The following TUBA8 variants were observed in gnomAD, a reference collection of about 807,000 sequenced individuals.
TUBA8 encodes tubulin alpha 8.
A neutral mutation model predicts 34.7 loss-of-function variants in TUBA8; 29 were observed. The ratio of observed to expected loss-of-function variants is 0.84; its 90% CI spans 0.62 to 1.14. The LOEUF (loss-of-function observed/expected upper bound fraction) is 1.14, where lower values mean the gene tolerates loss of function less well. Ranked by LOEUF, TUBA8 falls within the 50% of genes most tolerant of loss-of-function variation. TUBA8 has a pLI of 0.00. For synonymous variants in TUBA8, 226 were observed against 231.2 expected, an observed-to-expected ratio of 0.98 and a Z score of 0.21; for missense variants, 541 against 599.2, an observed-to-expected ratio of 0.90 and a Z score of 1.01.
At position 18,121,454 on chromosome 22, in the gene TUBA8, CCTCGTTGCTTCCCT is replaced by C. The variant is rs878853254; in HGVS notation, c.4-21_4-8del. 4 of 1,606,996 alleles carry C rather than the reference CCTCGTTGCTTCCCT, an allele frequency of 2.5e-6. No individual in the cohort carries two copies. In the South Asian group the frequency reaches 3.3e-5, roughly 13 times the overall value. The stretch of plus-strand genomic sequence containing the variant: ...CATGCTGGGGGCCCAGACTCTCTGA[CCTCGTTGCTTCCCT>C]CTCCCCACAGCGGGAATGCATATCA... On this transcript the variant is annotated splice_polypyrimidine_tract_variant and intron_variant, in intron 1 of 4. Transcript: ENST00000330423. This position sits in a 1 kb window ranked among gnomAD's most constrained non-coding sequence, Gnocchi z 4.8.
At position 18,126,868 on chromosome 22, in the gene TUBA8, A is replaced by G. The variant is rs1322829496; in HGVS notation, c.890A>G (p.Glu297Gly). 6.2e-7 allele frequency: 1 copy of G among 1,611,816 alleles called. No homozygotes were observed. The highest frequency in any genetic ancestry group is 8.5e-7 in the Non-Finnish European group (1 of 1,178,768). The change falls in exon 4 of 5, where the codon GAG becomes GGG. Residue 297 changes from glutamate to glycine, a missense_variant. Coordinates refer to ENST00000330423, the MANE Select transcript of TUBA8 (RefSeq NM_018943.3). The surrounding 1 kb of genome is among the most constrained non-coding windows in gnomAD (Gnocchi z 4.0). Reference protein sequence around the residue: ...SVAEITSSCFEPNSQMVKCDP... With the variant: ...SVAEITSSCFGPNSQMVKCDP... Reference sequence around the variant, plus strand: ...GCCGAGATAACCAGCTCCTGCTTTGAGCCCAACAGCCAGATGGTGAAGTGC... The same window carrying G: ...GCCGAGATAACCAGCTCCTGCTTTGGGCCCAACAGCCAGATGGTGAAGTGC...
At position 18,124,383 on chromosome 22, in the gene TUBA8, G is replaced by A; in HGVS notation, c.375+79G>A. 6.7e-7 allele frequency: 1 copy of A among 1,500,106 alleles called. No individual in the cohort carries two copies. The highest frequency in any genetic ancestry group is 1.3e-5 in the South Asian group (1 of 77,350). 92.9% of individuals were successfully genotyped at this position (1,500,106 alleles called of 1,614,324 possible). A position where few individuals can be genotyped will look rare whatever the true frequency, so the allele number is the denominator to read the frequency against. On this transcript the variant is annotated intron_variant, in intron 3 of 4. Transcript: ENST00000330423. This position sits in a 1 kb window ranked among gnomAD's most constrained non-coding sequence, Gnocchi z 4.3. The stretch of plus-strand genomic sequence containing the variant: ...GCCCCATGCCTCTTTGATCAGGCTA[G>A]GGAGAGGCATCTGACCCCTGGCTAT...
At position 18,131,583 on chromosome 22, in the gene TUBA8, C is replaced by CGAG; in HGVS notation, c.*447_*448insGAG. The stretch of plus-strand genomic sequence containing the variant: ...TGGGTCTATAGCCCGCTCCGGGCAT[C>CGAG]ATCTAGACTTAGCATGCATTCACTC... On this transcript the variant is annotated 3_prime_UTR_variant, in exon 5 of 5. Coordinates refer to ENST00000330423, the MANE Select transcript of TUBA8 (RefSeq NM_018943.3). The surrounding 1 kb of genome is among the most constrained non-coding windows in gnomAD (Gnocchi z 5.3). 7 of 239,116 alleles carry CGAG rather than the reference C, an allele frequency of 2.9e-5. No individual in the cohort carries two copies. The highest frequency in any genetic ancestry group is 1.8e-4 in the South Asian group (3 of 16,564). 14.8% of individuals were successfully genotyped at this position (239,116 alleles called of 1,614,324 possible).
intron 1 of TUBA8, chr22:18,115,163 C>T (rs535847544): frequency 6.6e-6 from 1 of 152,424 alleles, no homozygotes; most frequent in Non-Finnish European, 1.5e-5. Flanking sequence ...CCCTGCCCTT[C>T]CTCAGCCTGC....
chr22:18,120,856 G>T (rs1266150545), intron 1 of TUBA8: 1 of 154,568 alleles, frequency 6.5e-6, no homozygotes, highest in Non-Finnish European at 1.4e-5. Flanking sequence ...GGGCTGCAAA[G>T]ATTTTCCAAT....
intron 4 of TUBA8, chr22:18,129,450 C>T (rs1369352855): frequency 6.6e-6 from 1 of 152,266 alleles, no homozygotes; most frequent in Admixed American, 6.5e-5. Flanking sequence ...CTTGTCCCCA[C>T]TTGACTCAGG....
rs1248035790 is a variant in TUBA8 at position 18,124,210 on chromosome 22, C to T, written c.281C>T (p.Thr94Ile). Residue 94 changes from threonine to isoleucine, a missense_variant, in exon 3 of 5, where the codon ACA becomes ATA. By Grantham distance (89) the Thr-to-Ile change is moderately conservative (BLOSUM62 -1). Transcript: ENST00000330423. The surrounding 1 kb of genome is among the most constrained non-coding windows in gnomAD (Gnocchi z 4.3). ...RQLFHPEQLITGKEDAANNYA... is the reference protein window; with the variant it reads ...RQLFHPEQLIIGKEDAANNYA... ...CTCTTCCATCCAGAGCAGCTGATCA[C>T]AGGAAAGGAGGATGCAGCCAACAAC... is the stretch of plus-strand genomic sequence containing the variant. 6.2e-7 allele frequency: 1 copy of T among 1,614,196 alleles called. No individual in the cohort carries two copies. The highest frequency in any genetic ancestry group is 2.2e-5 in the East Asian group (1 of 44,886).
intron 4 of TUBA8, chr22:18,127,532 T>A (rs1272332306): frequency 6.4e-6 from 1 of 156,214 alleles, no homozygotes; most frequent in African/African-American, 2.4e-5. Flanking sequence ...TAGCTGGGAC[T>A]ACAGGCGCCC....
chr22:18,130,598 T>A, intron 4 of TUBA8: 2 of 567,770 alleles, frequency 3.5e-6, no homozygotes, highest in Non-Finnish European at 6.3e-6. Flanking sequence ...TAATTTTTTT[T>A]TTTTTTTTGG....
intron 3 of TUBA8, chr22:18,125,268 C>A (rs1289623215): frequency 6.6e-6 from 1 of 152,076 alleles, no homozygotes; most frequent in Non-Finnish European, 1.5e-5. Flanking sequence ...GTAATCCCAG[C>A]ACTTTGGGAG....
chr22:18,122,179 G>C lies in TUBA8; in HGVS notation c.226+478G>C, dbSNP rs149712925. 7.4e-4 allele frequency: 122 copies of C among 163,970 alleles called. 1 individual carries two copies. In the East Asian group the frequency reaches 0.019, roughly 25 times the overall value. The allele number at this position is 163,970 out of a possible 1,614,324, so 10.2% of individuals were successfully genotyped here. On this transcript the variant is annotated intron_variant, in intron 2 of 4. Transcript: ENST00000330423. ...CTGGAATGAGGTTCATTCAGGTTTA[G>C]GAAACACAGGAATTCTGCCTTGTGT... is the stretch of plus-strand genomic sequence containing the variant.
chr22:18,115,114 C>T (rs1176139559), intron 1 of TUBA8: 1 of 152,398 alleles, frequency 6.6e-6, no homozygotes, highest in Middle Eastern at 3.4e-3. Flanking sequence ...AGTGGCTCCC[C>T]AGGCGGAGTG....
rs904965122 is a variant in TUBA8, at chr22:18,131,546, C to T, written c.*410C>T. ...AGATTCCGGGGCAGGGGTGAGCGGA[C>T]GTTCACATGAGTGGGTCTATAGCCC... On this transcript the variant is annotated 3_prime_UTR_variant, in exon 5 of 5. Transcript: ENST00000330423. The surrounding 1 kb of genome is among the most constrained non-coding windows in gnomAD (Gnocchi z 5.3). 2.1e-5 allele frequency: 6 copies of T among 284,582 alleles called. No homozygotes were observed. The highest frequency in any genetic ancestry group is 6.6e-5 in the African/African-American group (3 of 45,682). 17.6% of individuals were successfully genotyped at this position (284,582 alleles called of 1,614,324 possible).
chr22:18,114,749 TG>T (rs1035678801), intron 1 of TUBA8: 44 of 152,104 alleles, frequency 2.9e-4, no homozygotes, highest in Non-Finnish European at 2.9e-5. Context: ...GGAGTGTGGG[TG>T]GTGCCAGGCT....
chr22:18,116,721 C>A (rs1006160819), intron 1 of TUBA8: 2 of 152,266 alleles, frequency 1.3e-5, no homozygotes, highest in African/African-American at 4.8e-5. Context: ...GGCTTCAGCA[C>A]TGGGTCTGCT....
Position 18,110,930 on chromosome 22 carries a change from GTC to G in TUBA8, c.3+64_3+65del, listed in dbSNP as rs1049534516. On this transcript the variant is annotated intron_variant, in intron 1 of 4. Coordinates refer to ENST00000330423, the MANE Select transcript of TUBA8 (RefSeq NM_018943.3). This position sits in a 1 kb window ranked among gnomAD's most constrained non-coding sequence, Gnocchi z 6.2. ...CGGCAGGCGTAGGACCGAGAGCCGAGTCTACGCGGAGGCGCACGGACCCGTCT... is the reference window on the plus strand; with the variant it reads ...CGGCAGGCGTAGGACCGAGAGCCGAGTACGCGGAGGCGCACGGACCCGTCT... 2.5e-5 allele frequency: 39 copies of G among 1,536,186 alleles called. No individual in the cohort carries two copies. In the African/African-American group the frequency reaches 4.5e-4, roughly 18 times the overall value.
At chr22:18,125,117 C>G (rs1928270901) in intron 3 of TUBA8, 1 of 152,222 alleles carries the variant, frequency 6.6e-6, no homozygotes. Flanking sequence ...GAGCTGACAT[C>G]CGTGCTTACA....
Position 18,121,578 on chromosome 22 carries a change from AC to A in TUBA8, c.104del (p.Thr35IlefsTer33), listed in dbSNP as rs1428203362. ...CLEHGIQADG[T>X]FDAQASKIND... is the part of the protein sequence containing the mutation. Reference sequence around the variant, plus strand: ...GGAACACGGCATCCAGGCAGACGGCACTTTTGATGCTCAAGCTAGCAAGATC... The same window carrying A: ...GGAACACGGCATCCAGGCAGACGGCATTTTGATGCTCAAGCTAGCAAGATC... On this transcript the variant is annotated frameshift_variant, in exon 2 of 5. Coordinates refer to ENST00000330423, the MANE Select transcript of TUBA8 (RefSeq NM_018943.3). LOFTEE classifies it high-confidence loss of function. This position sits in a 1 kb window ranked among gnomAD's most constrained non-coding sequence, Gnocchi z 4.8. 3.1e-6 allele frequency: 5 copies of A among 1,614,186 alleles called. No homozygotes were observed. The highest frequency in any genetic ancestry group is 4.2e-6 in the Non-Finnish European group (5 of 1,180,030).
intron 1 of TUBA8, chr22:18,114,601 C>T (rs1927909048): frequency 6.6e-6 from 1 of 152,084 alleles, no homozygotes; most frequent in Admixed American, 6.6e-5. Flanking sequence ...CACTGTGGGC[C>T]TGCTTTTCAC....
Sources: gnomAD v4.1 joint callset for allele counts on GRCh38, gnomAD v4.1.1 for gene constraint, Gnocchi (gnomAD v3.1) non-coding constraint, MANE v1.5 for transcripts, NCBI Gene and HGNC (gene_info 2026-07-23, HGNC 2026-07-21) for gene names.